MALT1: variants seen among roughly 807,000 people sequenced by gnomAD.
MALT1 encodes MALT1 paracaspase.
In MALT1, 36 loss-of-function variants were observed where a neutral mutation model predicts 85.5. The observed-to-expected ratio is 0.42, with a 90% CI of 0.32 to 0.56. The LOEUF is 0.56. MALT1 is among the 20% of genes least tolerant of loss of function. The probability of loss-of-function intolerance (pLI) is 0.10; values close to 1 mark genes in which losing one functional copy is unlikely to be tolerated. For missense variants in MALT1, 716 were observed against 981.6 expected (o/e 0.73, Z 3.62); for synonymous variants, 359 against 361.3 (o/e 0.99, Z 0.07).
At chr18:58,744,034 T>C (rs902884606) in intron 14 of MALT1, among the ~76,000 whole-genome samples, 1 of 138,524 alleles carries the variant, frequency 7.2e-6, no homozygotes, top group Admixed American at 7.0e-5. Context: ...GACATTGTGC[T>C]TTATTAAAAA....
chr18:58,731,680 T>G (rs772396777), intron 10 of MALT1, among the ~76,000 whole-genome samples: 11 of 152,260 alleles, frequency 7.2e-5, no homozygotes, highest in Non-Finnish European at 1.6e-4. Context: ...TCTACTTTAC[T>G]CATTTCATAC....
chr18:58,729,563 C>T (rs753499758), intron 10 of MALT1, among the ~76,000 whole-genome samples: 2 of 149,120 alleles, frequency 1.3e-5, no homozygotes, highest in African/African-American at 4.9e-5. Flanking sequence ...GGAGTCAAAA[C>T]ATCAACTCTG....
intron 12 of MALT1, chr18:58,734,634 T>C (rs753035858): frequency 1.0e-4 from 41 of 392,916 alleles, no homozygotes; most frequent in Middle Eastern, 7.0e-4. Context: ...AAAATACCTA[T>C]AGACATGTAG....
At chr18:58,709,332 A>G (rs1476595060) in intron 4 of MALT1, 46 bp from the exon 5 acceptor site, 2 of 1,316,592 alleles carry the variant, frequency 1.5e-6, no homozygotes, top group Non-Finnish European at 2.1e-6. Flanking sequence ...GGGAAATTTT[A>G]TTTTTATTTT....
chr18:58,705,110 T>C (rs1376201267), intron 4 of MALT1, among the ~76,000 whole-genome samples: 1 of 152,180 alleles, frequency 6.6e-6, no homozygotes, highest in East Asian at 1.9e-4. Flanking sequence ...TTAGTGTTAT[T>C]TTTTAGTGGC....
chr18:58,713,712 C>T (rs77052868), intron 7 of MALT1, among the ~76,000 whole-genome samples: 1 of 152,204 alleles, frequency 6.6e-6, no homozygotes, highest in African/African-American at 2.4e-5. Context: ...ACTCTCTCTG[C>T]ACTACCTTCA....
At chr18:58,692,432 C>A (rs1422865491) in intron 2 of MALT1, among the ~76,000 whole-genome samples, 1 of 83,024 alleles carries the variant, frequency 1.2e-5, no homozygotes, top group Non-Finnish European at 2.5e-5. Flanking sequence ...CTCTCTCTCT[C>A]TCTCACTCTC....
chr18:58,726,875 C>T (rs1440663523), intron 10 of MALT1, among the ~76,000 whole-genome samples: 1 of 152,224 alleles, frequency 6.6e-6, no homozygotes, highest in Non-Finnish European at 1.5e-5. Context: ...ATTCGGCCTG[C>T]AGCGGAGCAG....
chr18:58,672,095 C>T (rs953528575), intron 1 of MALT1: 1 of 336,434 alleles, frequency 3.0e-6, no homozygotes, highest in Non-Finnish European at 5.4e-6. Flanking sequence ...GCGGCTGCCT[C>T]GCTCCCTGTT....
intron 2 of MALT1, chr18:58,691,253 C>T (rs2054494184): frequency 4.8e-6 from 2 of 415,898 alleles, no homozygotes; most frequent in Non-Finnish European, 9.2e-6. Context: ...GCTATCCTTA[C>T]CCCTATCTCC....
intron 5 of MALT1, 60 bp downstream of exon 5, chr18:58,709,616 T>G: frequency 1.5e-6 from 2 of 1,356,604 alleles, no homozygotes; most frequent in Non-Finnish European, 2.0e-6. Flanking sequence ...ATGGTACAAT[T>G]GAAATATAAG....
chr18:58,731,905 A>G (rs1282806151), intron 10 of MALT1, among the ~76,000 whole-genome samples: 1 of 152,182 alleles, frequency 6.6e-6, no homozygotes, highest in Non-Finnish European at 1.5e-5. Context: ...ATGAGCTGTA[A>G]TATAAACCCA....
chr18:58,737,111 TAGG>T (rs2055232874), intron 13 of MALT1, among the ~76,000 whole-genome samples: 3 of 151,682 alleles, frequency 2.0e-5, no homozygotes. Context: ...GAGGCTGAGG[TAGG>T]AGGATTGCTT....
chr18:58,732,800 A>G (rs1364246476), intron 10 of MALT1, among the ~76,000 whole-genome samples: 4 of 149,238 alleles, frequency 2.7e-5, no homozygotes, highest in African/African-American at 5.1e-5. Flanking sequence ...ATTGTATTTT[A>G]TATTATACTA....
At chr18:58,733,903 A>ATG (rs1458154448) in intron 11 of MALT1, 2 of 1,145,176 alleles carry the variant, frequency 1.7e-6, no homozygotes, top group Admixed American at 4.5e-5. Context: ...ACCAACACCC[A>ATG]TGGAGTTGGG....
At chr18:58,715,188 A>G (rs541141324) in intron 8 of MALT1, among the ~76,000 whole-genome samples, 2 of 152,148 alleles carry the variant, frequency 1.3e-5, no homozygotes, top group South Asian at 4.1e-4. Context: ...CCTTTCCTAA[A>G]TTAGTCTGTT....
chr18:58,721,983 G>A (rs911226164), intron 9 of MALT1, among the ~76,000 whole-genome samples: 1 of 152,218 alleles, frequency 6.6e-6, no homozygotes, highest in South Asian at 2.1e-4. Flanking sequence ...TCTGCTCCCT[G>A]GCATTTCTGT....
rs1279355370 is a variant in MALT1, at chr18:58,752,159, TTTTG to T, written c.*4325_*4328del. ...GACATGTATACTGGCATAAGCTTTT[TTTTG>T]TTTGTTTTTAATTTTATTAGAAGTG... On this transcript the variant is annotated 3_prime_UTR_variant, in exon 17 of 17. Coordinates refer to ENST00000649217, the MANE Select transcript of MALT1 (RefSeq NM_006785.4). 3.9e-5 allele frequency: 6 copies of T among 152,208 alleles called. No homozygotes were observed. Among genetic ancestry groups the T allele is most frequent in the Non-Finnish European group, 1.5e-5 (1 of 68,028 alleles). 9.4% of individuals were successfully genotyped at this position (152,208 alleles called of 1,614,324 possible).
intron 7 of MALT1, among the ~76,000 whole-genome samples, chr18:58,713,784 A>C (rs2054864473): frequency 6.6e-6 from 1 of 152,246 alleles, no homozygotes; most frequent in Non-Finnish European, 1.5e-5. Flanking sequence ...AGATCATTTG[A>C]GATTACTGTT....
Sources: allele counts gnomAD v4.1 joint callset (sites outside exome capture counted in the v4.1 genomes callset), GRCh38; gene constraint gnomAD v4.1.1; transcripts MANE v1.5; gene names NCBI Gene and HGNC (gene_info 2026-07-23, HGNC 2026-07-21).